The following FRMD8 variants were observed in gnomAD, a reference collection of about 807,000 sequenced individuals.
FRMD8 encodes the protein FERM domain-containing protein 8.
FRMD8 carries 37 observed loss-of-function variants against 54.2 expected under a neutral mutation model. That is an observed-to-expected ratio of 0.68 (90% CI 0.53 to 0.90). The LOEUF (loss-of-function observed/expected upper bound fraction) is 0.90. FRMD8 is among the 40% of genes least tolerant of loss of function. The pLI is 0.00. For missense variants in FRMD8, 585 were observed against 653.7 expected, an observed-to-expected ratio of 0.89 and a Z score of 1.15; for synonymous variants, 246 against 286.9, an observed-to-expected ratio of 0.86 and a Z score of 1.44.
At chr11:65,406,186 C>A (rs1235302395) in intron 10 of FRMD8, among the ~76,000 whole-genome samples, 1 of 148,666 alleles carries the variant, frequency 6.7e-6, no homozygotes, top group East Asian at 2.0e-4. Context: ...TGCCACCACA[C>A]CCGGCTAATT....
intron 6 of FRMD8, among the ~76,000 whole-genome samples, chr11:65,394,728 A>T (rs563421383): frequency 6.6e-6 from 1 of 152,192 alleles, no homozygotes; most frequent in Non-Finnish European, 1.5e-5. Flanking sequence ...GACCACCCAG[A>T]TACTGACCCT....
At chr11:65,385,043 T>C (rs1855708559), upstream of FRMD8, among the ~76,000 whole-genome samples, 1 of 152,092 alleles carries the variant, frequency 6.6e-6, no homozygotes, top group Non-Finnish European at 1.5e-5. Flanking sequence ...ACTCACCAAT[T>C]AAACCACAAC....
upstream of FRMD8, chr11:65,382,180 G>C: frequency 1.7e-6 from 1 of 576,714 alleles, no homozygotes; most frequent in East Asian, 2.9e-5. This position sits in a 1 kb window ranked among gnomAD's most constrained non-coding sequence, Gnocchi z 4.4. Flanking sequence ...CACGGGCCAG[G>C]CGTGCCGGGA....
chr11:65,396,918 A>T lies in FRMD8; in HGVS notation c.701A>T (p.Tyr234Phe), dbSNP rs369836723. 5 of 1,552,422 alleles carry T rather than the reference A, an allele frequency of 3.2e-6. No homozygotes were observed. Among genetic ancestry groups the T allele is most frequent in the Non-Finnish European group, 4.4e-6 (5 of 1,148,294 alleles). ...GGCGAGCAGGGCCTGCTGAACGCCT[A>T]CCGCCAGGTGCAGGAGGTCAGCAGC... is the stretch of plus-strand genomic sequence containing the variant. ...GPGEQGLLNA[Y>F]RQVQEVSSDG... Residue 234 changes from tyrosine (Y) to phenylalanine (F), a missense_variant, in exon 7 of 11, where the codon TAC becomes TTC. By Grantham distance (22) the Tyr-to-Phe change is conservative. Coordinates refer to ENST00000317568, the MANE Select transcript of FRMD8 (RefSeq NM_031904.5).
At chr11:65,381,560 CTTTTTT>C in the FRMD8 span, 2,851 of 84,662 alleles carry the variant, frequency 0.034, 116 homozygotes, top group African/African-American at 0.15. Flanking sequence ...TGCCCTGATT[CTTTTTT>C]TTTTTTTTTT....
chr11:65,381,560 CTT>C, the FRMD8 span: 228 of 84,564 alleles, frequency 2.7e-3, no homozygotes, highest in South Asian at 0.01. Context: ...TGCCCTGATT[CTT>C]TTTTTTTTTT....
the FRMD8 span, among the ~76,000 whole-genome samples, chr11:65,370,997 C>CA: frequency 6.6e-6 from 1 of 152,168 alleles, no homozygotes; most frequent in East Asian, 1.9e-4. Context: ...TCCTCTGAGG[C>CA]ATCGGCCTGG....
intron 10 of FRMD8, among the ~76,000 whole-genome samples, chr11:65,405,519 A>T (rs1388296158): frequency 6.6e-6 from 1 of 152,178 alleles, no homozygotes. Context: ...GCTACTCGGG[A>T]GGCTGAGGCA....
the FRMD8 span, among the ~76,000 whole-genome samples, chr11:65,370,322 G>C: frequency 7.6e-4 from 116 of 151,798 alleles, no homozygotes; most frequent in African/African-American, 2.7e-3. Context: ...CTTGCAGGCT[G>C]CGGGAGGGAG....
intron 4 of FRMD8, 103 bp downstream of exon 4, chr11:65,393,777 G>A (rs994757615): frequency 2.0e-6 from 2 of 1,002,672 alleles, no homozygotes; most frequent in Admixed American, 2.1e-5. Flanking sequence ...TGCCCTGGCT[G>A]AGGGGCAGGG....
the FRMD8 span, among the ~76,000 whole-genome samples, chr11:65,369,845 C>T: frequency 4.8e-3 from 719 of 150,960 alleles, 9 homozygotes; most frequent in African/African-American, 0.016. Context: ...CCAGCCTGAC[C>T]AACATGGAGA....
the FRMD8 span, among the ~76,000 whole-genome samples, chr11:65,374,422 CG>C: frequency 7.1e-6 from 1 of 141,438 alleles, no homozygotes; most frequent in Non-Finnish European, 1.6e-5. Flanking sequence ...GATTTACCCG[CG>C]GTGTGACCTA....
chr11:65,405,093 C>T (rs1275452767), intron 10 of FRMD8, 25 bp downstream of exon 10: 1 of 1,604,348 alleles, frequency 6.2e-7, no homozygotes, highest in Non-Finnish European at 8.5e-7. Flanking sequence ...TGTGCATGTG[C>T]ACACACAAAC....
chr11:65,389,260 TG>T (rs1855791826), intron 2 of FRMD8, 100 bp from the exon 3 acceptor site: 16 of 1,142,278 alleles, frequency 1.4e-5, no homozygotes, highest in Middle Eastern at 2.6e-4. Context: ...GGGTGTAGGG[TG>T]GGGGCTCCAG....
At chr11:65,398,406 G>A (rs1856001634) in intron 7 of FRMD8, among the ~76,000 whole-genome samples, 1 of 152,230 alleles carries the variant, frequency 6.6e-6, no homozygotes, top group South Asian at 2.1e-4. Flanking sequence ...GCTCGTATTT[G>A]GCGAATCCTA....
rs775870773 is a variant in FRMD8, at chr11:65,389,404, C to T, written c.129C>T (p.Pro43=). ...ACCTAGCGGATGACACGGTGGTGCC[C>T]CTGGCTGTGGAGAACCTGCCCTCGC... ...LVYLADDTVV[P]LAVENLPSLS... The change falls in exon 3 of 11, where the codon CCC becomes CCT. Residue 43 remains proline, a synonymous_variant. Transcript: ENST00000317568. 7 of 1,610,670 alleles carry T rather than the reference C, an allele frequency of 4.3e-6. No individual in the cohort carries two copies. In the Admixed American group the frequency reaches 1.2e-4, roughly 27 times the overall value.
chr11:65,398,812 G>A (rs1004492136), intron 7 of FRMD8, among the ~76,000 whole-genome samples: 2 of 152,186 alleles, frequency 1.3e-5, no homozygotes, highest in Non-Finnish European at 2.9e-5. Flanking sequence ...TCCGGAGGAG[G>A]CTGGAGCAGG....
At chr11:65,409,870 G>C (rs1270870622) in intron 10 of FRMD8, among the ~76,000 whole-genome samples, 1 of 152,020 alleles carries the variant, frequency 6.6e-6, no homozygotes, top group African/African-American at 2.4e-5. Context: ...CCTGAGGCCA[G>C]GAGTTCGAGA....
the FRMD8 span, chr11:65,377,654 G>T: frequency 6.5e-6 from 1 of 154,846 alleles, no homozygotes; most frequent in Non-Finnish European, 1.4e-5. Flanking sequence ...GGTGGGTAAT[G>T]GGGGGACTTG....
Sources: gnomAD v4.1 joint callset for allele counts (sites outside exome capture counted in the v4.1 genomes callset) on GRCh38, gnomAD v4.1.1 for gene constraint, Gnocchi (gnomAD v3.1) non-coding constraint, MANE v1.5 for transcripts, NCBI Gene and HGNC (gene_info 2026-07-23, HGNC 2026-07-21) for gene names.